BCL7C: variants seen among roughly 807,000 people sequenced by gnomAD.
BCL7C encodes the protein BAF chromatin remodeling complex subunit BCL7C.
BCL7C carries 8 observed loss-of-function variants against 26.2 expected under a neutral mutation model. That is an observed-to-expected ratio of 0.30 (90% CI 0.18 to 0.55). The LOEUF is 0.55. Among genes scored for constraint, BCL7C ranks in the 20% least tolerant of loss-of-function variants. The probability of loss-of-function intolerance (pLI) is 0.93; values close to 1 mark genes in which losing one functional copy is unlikely to be tolerated. For synonymous variants in BCL7C, 90 were observed against 116.5 expected, an observed-to-expected ratio of 0.77 and a Z score of 1.47; for missense variants, 262 against 298.5, an observed-to-expected ratio of 0.88 and a Z score of 0.90.
At chr16:30,885,593 G>A (rs935204507), downstream of BCL7C, among the ~76,000 whole-genome samples, 2 of 151,918 alleles carry the variant, frequency 1.3e-5, no homozygotes, top group African/African-American at 4.8e-5. Context: ...TAGTAGAGAC[G>A]GAGTTTCACC....
intron 5 of BCL7C, among the ~76,000 whole-genome samples, chr16:30,859,629 C>T (rs191968416): frequency 6.6e-5 from 10 of 152,274 alleles, no homozygotes; most frequent in East Asian, 1.9e-4. Flanking sequence ...TATTCTCCCC[C>T]CTCCCCACCT....
At chr16:30,836,203 A>G (rs1026518143) in intron 5 of BCL7C, among the ~76,000 whole-genome samples, 2 of 152,068 alleles carry the variant, frequency 1.3e-5, no homozygotes, top group Non-Finnish European at 2.9e-5. Context: ...TTAGTGAACC[A>G]AGATCGCATC....
At chr16:30,888,970 C>T (rs1359424107) in intron 4 of BCL7C, 25 bp from the exon 5 acceptor site, 4 of 1,609,010 alleles carry the variant, frequency 2.5e-6, no homozygotes, top group Non-Finnish European at 3.4e-6. Context: ...TAACAAACAT[C>T]CCCTGAACAG....
chr16:30,835,468 A>G (rs1248001835), intron 5 of BCL7C, among the ~76,000 whole-genome samples: 2 of 152,194 alleles, frequency 1.3e-5, no homozygotes, highest in Non-Finnish European at 2.9e-5. Flanking sequence ...GGCAGCCTCA[A>G]ATGATTCTGT....
intron 5 of BCL7C, among the ~76,000 whole-genome samples, chr16:30,880,358 C>T (rs1017917344): frequency 1.3e-5 from 2 of 151,710 alleles, no homozygotes; most frequent in East Asian, 3.9e-4. Flanking sequence ...TGTGAACATG[C>T]CACTGCACTC....
At position 30,851,141 on chromosome 16, in the gene BCL7C, TC is replaced by T. The variant is rs1207929686; in HGVS notation, c.529-15994del. 1.7e-4 allele frequency: 45 copies of T among 262,840 alleles called. 2 individuals carry two copies. The highest frequency in any genetic ancestry group is 1.3e-3 in the Admixed American group (32 of 24,076). The allele number at this position is 262,840 out of a possible 1,614,324, so 16.3% of individuals were successfully genotyped here. ...TTTTCTGCATCCTACTGGTTCGTTT[TC>T]CCTGCAAAACTGCTGGGATGCTTGA... On this transcript the variant is annotated intron_variant, in intron 5 of 5. Coordinates refer to the BCL7C transcript ENST00000380317.
At chr16:30,870,511 A>G (rs1262206117) in intron 5 of BCL7C, among the ~76,000 whole-genome samples, 1 of 151,796 alleles carries the variant, frequency 6.6e-6, no homozygotes, top group East Asian at 1.9e-4. Context: ...CAAAAAAAAT[A>G]AAAAATTAGC....
At chr16:30,858,993 A>G in intron 5 of BCL7C, among the ~76,000 whole-genome samples, 1 of 152,242 alleles carries the variant, frequency 6.6e-6, no homozygotes, top group East Asian at 1.9e-4. Flanking sequence ...AAGCCAGGAG[A>G]TAGTAGAATA....
downstream of BCL7C, among the ~76,000 whole-genome samples, chr16:30,884,169 G>T (rs1209804312): frequency 6.6e-6 from 1 of 151,084 alleles, no homozygotes; most frequent in Non-Finnish European, 1.5e-5. Context: ...ATGAGAGGGT[G>T]GGGGCATGCC....
intron 5 of BCL7C, among the ~76,000 whole-genome samples, chr16:30,866,605 A>T (rs1411391234): frequency 6.6e-6 from 1 of 151,712 alleles, no homozygotes; most frequent in Non-Finnish European, 1.5e-5. Context: ...GGGGGTGGGA[A>T]TTAACAGGAA....
At chr16:30,853,817 T>C (rs2054697354) in intron 5 of BCL7C, among the ~76,000 whole-genome samples, 1 of 152,210 alleles carries the variant, frequency 6.6e-6, no homozygotes, top group Non-Finnish European at 1.5e-5. Context: ...AAGAATTACC[T>C]CTAGGCGCTC....
intron 5 of BCL7C, among the ~76,000 whole-genome samples, chr16:30,856,060 T>TAA (rs758984617): frequency 8.2e-5 from 8 of 97,404 alleles, no homozygotes; most frequent in African/African-American, 1.5e-4. Flanking sequence ...AGACTCCATC[T>TAA]AAAAAAAAAA....
At chr16:30,842,857 C>G (rs753489190) in intron 5 of BCL7C, among the ~76,000 whole-genome samples, 7 of 152,026 alleles carry the variant, frequency 4.6e-5, no homozygotes, top group Non-Finnish European at 8.8e-5. Context: ...CATGAGCCAC[C>G]GCGCCCAGCC....
At chr16:30,851,329 C>G (rs1360128615) in intron 5 of BCL7C, 2 of 197,624 alleles carry the variant, frequency 1.0e-5, no homozygotes, top group Non-Finnish European at 2.1e-5. Context: ...CAACCTCCAC[C>G]TTCCGGGTTC....
At chr16:30,874,262 C>T (rs983759037) in intron 5 of BCL7C, among the ~76,000 whole-genome samples, 37 of 151,850 alleles carry the variant, frequency 2.4e-4, no homozygotes, top group Non-Finnish European at 7.4e-5. Flanking sequence ...TCTTAAAGTG[C>T]TAGGATTACA....
At chr16:30,882,492 A>G (rs2055058769) in intron 5 of BCL7C, among the ~76,000 whole-genome samples, 1 of 152,044 alleles carries the variant, frequency 6.6e-6, no homozygotes, top group Non-Finnish European at 1.5e-5. Context: ...AGAAGCTGAG[A>G]CTTGAAAACT....
intron 5 of BCL7C, among the ~76,000 whole-genome samples, chr16:30,865,415 A>G (rs1005404060): frequency 6.6e-6 from 1 of 151,692 alleles, no homozygotes; most frequent in Non-Finnish European, 1.5e-5. Context: ...CCAAAAAAAA[A>G]ATTTTTTTGA....
chr16:30,853,885 T>C (rs2054697997), intron 5 of BCL7C, among the ~76,000 whole-genome samples: 1 of 152,204 alleles, frequency 6.6e-6, no homozygotes, highest in Admixed American at 6.5e-5. Flanking sequence ...CAACCACAGC[T>C]TTATTGATTT....
chr16:30,848,118 T>C (rs1192220999), intron 5 of BCL7C, among the ~76,000 whole-genome samples: 1 of 152,152 alleles, frequency 6.6e-6, no homozygotes, highest in African/African-American at 2.4e-5. Context: ...TTGGACTTCA[T>C]GGTGGCCTAC....
Sources: gnomAD v4.1 joint callset for allele counts (sites outside exome capture counted in the v4.1 genomes callset) on GRCh38, gnomAD v4.1.1 for gene constraint, MANE v1.5 for transcripts, NCBI Gene and HGNC (gene_info 2026-07-23, HGNC 2026-07-21) for gene names.